ADAMTS19: variants seen among roughly 807,000 people sequenced by gnomAD.
ADAMTS19 encodes the protein ADAM metallopeptidase with thrombospondin type 1 motif 19, also known as A disintegrin and metalloproteinase with thrombospondin motifs 19.
A neutral mutation model predicts 153.3 loss-of-function variants in ADAMTS19; 93 were observed. That is an observed-to-expected ratio of 0.61 (90% CI 0.51 to 0.72). ADAMTS19 has a LOEUF of 0.72. ADAMTS19 is among the 30% of genes least tolerant of loss of function. The probability of loss-of-function intolerance (pLI) is 0.00; values close to 1 mark genes in which losing one functional copy is unlikely to be tolerated. For missense variants in ADAMTS19, 1,482 were observed against 1,552.1 expected (o/e 0.95, Z 0.76); for synonymous variants, 600 against 556.6 (o/e 1.08, Z -1.10).
At chr5:129,621,160 C>A (rs893407791) in intron 9 of ADAMTS19, among the ~76,000 whole-genome samples, 1 of 152,140 alleles carries the variant, frequency 6.6e-6, no homozygotes, top group South Asian at 2.1e-4. Context: ...TACATCTACA[C>A]TTCTAATGTT....
intron 7 of ADAMTS19, among the ~76,000 whole-genome samples, chr5:129,566,591 C>A (rs912118622): frequency 2.6e-5 from 4 of 152,148 alleles, no homozygotes; most frequent in African/African-American, 7.2e-5. Flanking sequence ...TCAACACAGC[C>A]CACACTTGTA....
chr5:129,488,123 C>T (rs887366774), intron 2 of ADAMTS19, among the ~76,000 whole-genome samples: 4 of 151,880 alleles, frequency 2.6e-5, no homozygotes, highest in Admixed American at 1.3e-4. Context: ...AGAAAATACA[C>T]CGAGATTTTA....
chr5:129,534,772 C>A (rs534191525), intron 6 of ADAMTS19, among the ~76,000 whole-genome samples: 2 of 152,066 alleles, frequency 1.3e-5, no homozygotes, highest in African/African-American at 4.8e-5. Flanking sequence ...GTTCAACATA[C>A]GAAAATCAAT....
At chr5:129,597,270 G>A (rs187671937) in intron 8 of ADAMTS19, among the ~76,000 whole-genome samples, 1 of 152,204 alleles carries the variant, frequency 6.6e-6, no homozygotes, top group Admixed American at 6.5e-5. Context: ...ATTAGTAATA[G>A]CAACACTTAC....
chr5:129,620,747 A>C lies in ADAMTS19; in HGVS notation c.1608A>C (p.Glu536Asp), dbSNP rs1751743613. 1 of 1,612,500 alleles carries C rather than the reference A, an allele frequency of 6.2e-7. No individual in the cohort carries two copies. The highest frequency in any genetic ancestry group is 1.3e-5 in the African/African-American group (1 of 74,838). Reference protein sequence around the residue: ...SWSRCSKEDLERFLRSKASNC... With the variant: ...SWSRCSKEDLDRFLRSKASNC... ...CTCGATGTAGCAAGGAAGATTTGGA[A>C]AGATTTCTCAGGTATGGAGGTCACT... The change falls in exon 9 of 23, where the codon GAA (glutamate) becomes GAC (aspartate). Residue 536 changes from glutamate (E) to aspartate (D), a missense_variant. By Grantham distance (45) the Glu-to-Asp change is conservative. Transcript: ENST00000274487.
At chr5:129,610,058 C>A (rs1561600786) in intron 8 of ADAMTS19, among the ~76,000 whole-genome samples, 1 of 150,330 alleles carries the variant, frequency 6.7e-6, no homozygotes, top group Non-Finnish European at 1.5e-5. Context: ...ATAACAACTT[C>A]TGTTCTCTGA....
chr5:129,500,908 G>A (rs946346246), intron 2 of ADAMTS19, among the ~76,000 whole-genome samples: 2 of 152,048 alleles, frequency 1.3e-5, no homozygotes, highest in African/African-American at 4.8e-5. Context: ...CACAAAGATC[G>A]CATAATGCTA....
intron 10 of ADAMTS19, among the ~76,000 whole-genome samples, chr5:129,640,016 A>T (rs186302983): frequency 2.0e-5 from 3 of 152,324 alleles, no homozygotes; most frequent in Admixed American, 1.3e-4. Context: ...TCTTTACAAT[A>T]ATTTTCTAGG....
At position 129,673,958 on chromosome 5, in the gene ADAMTS19, C is replaced by T. The variant is rs531388649; in HGVS notation, c.2507-5806C>T. On this transcript the variant is annotated intron_variant, in intron 16 of 22. Transcript: ENST00000274487. ...TAATAATATGGCCATTGGCCGGGGACGGTAACTCACGCCTGTAATGCCAGC... is the reference window on the plus strand; with the variant it reads ...TAATAATATGGCCATTGGCCGGGGATGGTAACTCACGCCTGTAATGCCAGC... Among the ~76,000 whole-genome samples, 44 of 152,244 alleles carry T rather than the reference C, an allele frequency of 2.9e-4. 1 individual carries two copies. The highest frequency in any genetic ancestry group is 1.1e-3 in the African/African-American group (44 of 41,542).
chr5:129,505,600 A>T (rs1751244080), intron 2 of ADAMTS19, among the ~76,000 whole-genome samples: 1 of 152,168 alleles, frequency 6.6e-6, no homozygotes, highest in African/African-American at 2.4e-5. Context: ...TGGTTATTTT[A>T]AAAAGCACCG....
chr5:129,571,378 A>C (rs1753901487), intron 7 of ADAMTS19, among the ~76,000 whole-genome samples: 1 of 151,658 alleles, frequency 6.6e-6, no homozygotes, highest in Non-Finnish European at 1.5e-5. Context: ...AAACATTAGG[A>C]CATGATATAT....
chr5:129,499,117 C>T (rs142131178), intron 2 of ADAMTS19, among the ~76,000 whole-genome samples: 20 of 152,038 alleles, frequency 1.3e-4, no homozygotes, highest in Admixed American at 8.5e-4. Flanking sequence ...AAAATAAATT[C>T]GCTCCCTATA....
intron 16 of ADAMTS19, among the ~76,000 whole-genome samples, chr5:129,671,728 T>C (rs1754308353): frequency 6.6e-6 from 1 of 152,202 alleles, no homozygotes; most frequent in African/African-American, 2.4e-5. Context: ...CTGGCATTAT[T>C]GTCTTGTTCG....
At chr5:129,462,168 T>A (rs1208283893) in intron 2 of ADAMTS19, among the ~76,000 whole-genome samples, 2 of 152,314 alleles carry the variant, frequency 1.3e-5, no homozygotes, top group East Asian at 3.9e-4. Flanking sequence ...CGCCGCACTC[T>A]CAGTTCCTCA....
At chr5:129,622,151 C>T (rs1185126547) in intron 9 of ADAMTS19, 47 bp from the exon 10 acceptor site, 9 of 1,604,600 alleles carry the variant, frequency 5.6e-6, no homozygotes, top group East Asian at 2.2e-5. Context: ...ATCATATCAG[C>T]TTTTTACATT....
chr5:129,659,783 C>T (rs966342495), intron 15 of ADAMTS19, among the ~76,000 whole-genome samples: 2 of 151,966 alleles, frequency 1.3e-5, no homozygotes, highest in African/African-American at 4.8e-5. Context: ...AACATGGGGT[C>T]TCACTATGTT....
At chr5:129,689,070 A>T (rs1482712788) in intron 18 of ADAMTS19, among the ~76,000 whole-genome samples, 1 of 152,242 alleles carries the variant, frequency 6.6e-6, no homozygotes, top group Non-Finnish European at 1.5e-5. Flanking sequence ...GATCTAGTGA[A>T]TAGATTACTG....
intron 16 of ADAMTS19, among the ~76,000 whole-genome samples, chr5:129,670,850 C>T (rs953352053): frequency 6.6e-6 from 1 of 152,172 alleles, no homozygotes; most frequent in Non-Finnish European, 1.5e-5. Flanking sequence ...GACCTCTAAA[C>T]ATAAGTCTCC....
intron 13 of ADAMTS19, among the ~76,000 whole-genome samples, chr5:129,650,045 G>A (rs1202974309): frequency 2.0e-5 from 3 of 152,178 alleles, no homozygotes; most frequent in Admixed American, 6.5e-5. Context: ...TTAGCTGGGT[G>A]TTGTGGCATG....
Sources: allele counts gnomAD v4.1 joint callset (sites outside exome capture counted in the v4.1 genomes callset), GRCh38; gene constraint gnomAD v4.1.1; transcripts MANE v1.5; gene names NCBI Gene and HGNC (gene_info 2026-07-23, HGNC 2026-07-21).